The following TMOD1 variants were observed in gnomAD, a reference collection of about 807,000 sequenced individuals.
TMOD1 encodes tropomodulin-1.
A neutral mutation model predicts 40.6 loss-of-function variants in TMOD1; 17 were observed. The observed-to-expected ratio is 0.42, with a 90% CI of 0.29 to 0.63. The LOEUF is 0.63. TMOD1 is among the 20% of genes least tolerant of loss of function. The probability of loss-of-function intolerance (pLI) is 0.22; values close to 1 mark genes in which losing one functional copy is unlikely to be tolerated. For missense variants in TMOD1, 391 were observed against 447.6 expected, an observed-to-expected ratio of 0.87 and a Z score of 1.14; for synonymous variants, 181 against 175.0, an observed-to-expected ratio of 1.03 and a Z score of -0.27.
chr9:97,596,943 C>T (rs1826124347), intron 9 of TMOD1, among the ~76,000 whole-genome samples: 1 of 152,224 alleles, frequency 6.6e-6, no homozygotes, highest in South Asian at 2.1e-4. Flanking sequence ...AGTTCTCAAA[C>T]ATTGTATATC....
intron 9 of TMOD1, among the ~76,000 whole-genome samples, chr9:97,592,651 G>A (rs1447084414): frequency 2.0e-5 from 3 of 152,144 alleles, no homozygotes; most frequent in African/African-American, 4.8e-5. Context: ...GGAAGCCCTC[G>A]AAGAACAGAG....
At chr9:97,523,087 T>G (rs544383202) in intron 1 of TMOD1, among the ~76,000 whole-genome samples, 1 of 152,016 alleles carries the variant, frequency 6.6e-6, no homozygotes, top group Non-Finnish European at 1.5e-5. Context: ...AATGTTTTAA[T>G]TAAAAGACCT....
At chr9:97,520,354 G>A (rs190194960) in intron 1 of TMOD1, among the ~76,000 whole-genome samples, 121 of 152,220 alleles carry the variant, frequency 7.9e-4, no homozygotes, top group Non-Finnish European at 1.5e-3. Context: ...CCTTTTATTA[G>A]CAGCTATAAA....
At chr9:97,583,871 G>A (rs1206062399) in intron 8 of TMOD1, among the ~76,000 whole-genome samples, 19 of 147,976 alleles carry the variant, frequency 1.3e-4, no homozygotes, top group East Asian at 1.2e-3. Flanking sequence ...TTTTTATTGC[G>A]TCTATTTGAT....
In TMOD1 at chr9:97,591,142, T is replaced by C. The variant is rs1587964480; in HGVS notation, c.871-149T>C. ...CCTGGCCGTGTGACCTTTCAACTTC[T>C]CTAAACTTCCATTTCCCTACTCTTG... On this transcript the variant is annotated intron_variant, in intron 8 of 9. Transcript: ENST00000259365. 9.4e-6 allele frequency: 8 copies of C among 854,062 alleles called. No homozygotes were observed. The East Asian group carries it at 2.2e-4, about 23-fold the overall frequency. 52.9% of individuals were successfully genotyped at this position (854,062 alleles called of 1,614,324 possible). A position where few individuals can be genotyped will look rare whatever the true frequency, so the allele number is the denominator to read the frequency against.
chr9:97,567,879 G>C (rs1376615748), intron 7 of TMOD1, among the ~76,000 whole-genome samples: 1 of 152,156 alleles, frequency 6.6e-6, no homozygotes, highest in Non-Finnish European at 1.5e-5. Context: ...TCCTGGCTCG[G>C]AGCATCATTT....
At chr9:97,551,069 G>A (rs1454578666) in intron 3 of TMOD1, among the ~76,000 whole-genome samples, 2 of 140,976 alleles carry the variant, frequency 1.4e-5, no homozygotes, top group East Asian at 2.1e-4. Flanking sequence ...TGTCTCCCAG[G>A]CTGGAGTACA....
rs1829947735 is a variant in TMOD1 at position 97,523,391 on chromosome 9, T to TG, written c.-48-745dup. The stretch of plus-strand genomic sequence containing the variant: ...TGAACCGGCTCCCTCTGGGGGGAAA[T>TG]GGGGGCTCTGGACTAGGCAGTCCCC... On this transcript the variant is annotated intron_variant, in intron 1 of 9. Transcript: ENST00000259365. Among the ~76,000 whole-genome samples, 4 of 151,856 alleles carry TG rather than the reference T, an allele frequency of 2.6e-5. 1 individual carries two copies. In the South Asian group the frequency reaches 8.3e-4, roughly 32 times the overall value.
At chr9:97,548,815 C>G (rs1323179903) in intron 3 of TMOD1, among the ~76,000 whole-genome samples, 1 of 152,208 alleles carries the variant, frequency 6.6e-6, no homozygotes, top group African/African-American at 2.4e-5. Flanking sequence ...TCATCATCAT[C>G]TTGGAGTATT....
At chr9:97,518,860 A>C (rs1030864781) in intron 1 of TMOD1, among the ~76,000 whole-genome samples, 1 of 152,174 alleles carries the variant, frequency 6.6e-6, no homozygotes, top group African/African-American at 2.4e-5. Context: ...CCTGACATAA[A>C]ATCCCTTTGG....
chr9:97,552,264 G>A (rs987340600), intron 3 of TMOD1, among the ~76,000 whole-genome samples: 1 of 152,124 alleles, frequency 6.6e-6, no homozygotes, highest in Non-Finnish European at 1.5e-5. Flanking sequence ...CCTGATCTTA[G>A]GGGATCATTT....
chr9:97,585,643 A>G (rs1006257689), intron 8 of TMOD1, among the ~76,000 whole-genome samples: 1 of 132,788 alleles, frequency 7.5e-6, no homozygotes, highest in Non-Finnish European at 1.6e-5. Context: ...CAGGTACACC[A>G]ATCAGACGTA....
chr9:97,576,081 G>C (rs1830934167), intron 8 of TMOD1, among the ~76,000 whole-genome samples: 1 of 152,186 alleles, frequency 6.6e-6, no homozygotes, highest in African/African-American at 2.4e-5. Context: ...GGCGTCCCGT[G>C]AAGCCAATAG....
rs1265377899 is a variant in TMOD1, at chr9:97,601,528, TGAA to T, written c.*1835_*1837del. 4 of 989,112 alleles carry T rather than the reference TGAA, an allele frequency of 4.0e-6. No homozygotes were observed. The highest frequency in any genetic ancestry group is 4.8e-6 in the Non-Finnish European group (4 of 832,362). 61.3% of individuals were successfully genotyped at this position (989,112 alleles called of 1,614,324 possible). On this transcript the variant is annotated 3_prime_UTR_variant, in exon 10 of 10. Coordinates refer to ENST00000259365, the MANE Select transcript of TMOD1 (RefSeq NM_003275.4). ...GAAACGAAACCAAACCAACAGAAAA[TGAA>T]GAAGGCCACATCTTTAAGGCCACCT...
At chr9:97,555,671 G>A (rs1295167414) in intron 4 of TMOD1, 2 of 1,551,104 alleles carry the variant, frequency 1.3e-6, no homozygotes, top group African/African-American at 2.7e-5. Context: ...GGGAAGGAGG[G>A]ACTGAACACT....
intron 9 of TMOD1, among the ~76,000 whole-genome samples, chr9:97,594,386 G>A (rs748923390): frequency 7.9e-5 from 12 of 152,218 alleles, no homozygotes; most frequent in Non-Finnish European, 1.5e-4. Context: ...CATTAATGCC[G>A]CAGTGAAGCA....
intron 4 of TMOD1, among the ~76,000 whole-genome samples, chr9:97,560,404 T>C (rs971585870): frequency 6.6e-6 from 1 of 151,996 alleles, no homozygotes; most frequent in Non-Finnish European, 1.5e-5. Context: ...AGTTGTTAGA[T>C]AAAATACAGT....
rs142064687 is a variant in TMOD1, at chr9:97,589,647, T to C, written c.871-1644T>C. On this transcript the variant is annotated intron_variant, in intron 8 of 9. Coordinates refer to ENST00000259365, the MANE Select transcript of TMOD1 (RefSeq NM_003275.4). ...ATTTTCTATATACAACATTATATCA[T>C]CTGCAAATACAGATAGTTTTACTTT... 8.5e-4 allele frequency among the ~76,000 whole-genome samples: 129 copies of C among 152,288 alleles called. 1 individual carries two copies. The highest frequency in any genetic ancestry group is 2.9e-3 in the African/African-American group (122 of 41,570).
intron 2 of TMOD1, among the ~76,000 whole-genome samples, chr9:97,539,392 T>G (rs549070738): frequency 6.8e-4 from 104 of 152,288 alleles, no homozygotes; most frequent in African/African-American, 2.2e-3. Context: ...GGCGATATTT[T>G]CAGGTTCATT....
Sources: allele counts gnomAD v4.1 joint callset (sites outside exome capture counted in the v4.1 genomes callset), GRCh38; gene constraint gnomAD v4.1.1; transcripts MANE v1.5; gene names NCBI Gene and HGNC (gene_info 2026-07-23, HGNC 2026-07-21).